Variants in GRIA3 observed in about 807,000 individuals in gnomAD.
GRIA3 encodes the protein glutamate ionotropic receptor AMPA type subunit 3, also known as glutamate receptor 3.
GRIA3 carries 3 observed loss-of-function variants against 63.0 expected under a neutral mutation model. That is an observed-to-expected ratio of 0.05 (90% CI 0.02 to 0.12). GRIA3 has a LOEUF of 0.12. Among genes scored for constraint, GRIA3 ranks in the 10% least tolerant of loss-of-function variants. The probability of loss-of-function intolerance (pLI) is 1.00; values close to 1 mark genes in which losing one functional copy is unlikely to be tolerated. For missense variants in GRIA3, 347 were observed against 700.9 expected, an observed-to-expected ratio of 0.50 and a Z score of 5.70; for synonymous variants, 274 against 257.9, an observed-to-expected ratio of 1.06 and a Z score of -0.60.
At chrX:123,282,020 T>A (rs2044588896) in intron 3 of GRIA3, among the ~76,000 whole-genome samples, 1 of 111,552 alleles carries the variant, frequency 9.0e-6, no homozygotes, top group Non-Finnish European at 1.9e-5. Context: ...AGAAATCATC[T>A]GGAGGACTTG....
chrX:123,455,835 GA>G (rs140361842), intron 12 of GRIA3, among the ~76,000 whole-genome samples: 29,334 of 111,363 alleles, frequency 0.26, 2,841 homozygotes, highest in Non-Finnish European at 0.3. Flanking sequence ...AGATCTATCT[GA>G]AACCTTTCTA....
At position 123,434,201 on chromosome X, in the gene GRIA3, G is replaced by A. The variant is rs758360299; in HGVS notation, c.2076+6062G>A. Among the ~76,000 whole-genome samples the A allele has an allele frequency of 2.7e-5, 3 of 111,904 alleles. No individual in the cohort carries two copies. In the South Asian group the frequency reaches 1.1e-3, roughly 42 times the overall value. On this transcript the variant is annotated intron_variant, in intron 12 of 15. Transcript: ENST00000620443. The stretch of plus-strand genomic sequence containing the variant: ...AATCTTTAAGCTTTATTATAATTGA[G>A]CTATGTACACAACAGACCTCCCTGA...
intron 5 of GRIA3, among the ~76,000 whole-genome samples, chrX:123,383,325 T>C (rs139565768): frequency 5.2e-4 from 58 of 111,321 alleles, no homozygotes; most frequent in African/African-American, 1.9e-3. Context: ...AAATACACAA[T>C]ACATTGTTGT....
intron 1 of GRIA3, 123 bp from the exon 2 acceptor site, chrX:123,185,709 T>G (rs1474777388): frequency 1.7e-6 from 1 of 577,909 alleles, no homozygotes; most frequent in Non-Finnish European, 2.9e-6. Flanking sequence ...AGGTTGAATA[T>G]CAATCCTCAA....
intron 3 of GRIA3, among the ~76,000 whole-genome samples, chrX:123,310,382 G>A (rs1426157108): frequency 1.8e-5 from 2 of 112,840 alleles, no homozygotes; most frequent in African/African-American, 6.4e-5. Context: ...CCAAAGTCAT[G>A]ACTTTGATGA....
intron 2 of GRIA3, among the ~76,000 whole-genome samples, chrX:123,216,697 T>G (rs1048137442): frequency 4.5e-5 from 5 of 111,936 alleles, no homozygotes; most frequent in African/African-American, 1.6e-4. Flanking sequence ...AATGTCATAA[T>G]TAAAGAAGGC....
At chrX:123,358,086 G>C (rs1048021181) in intron 5 of GRIA3, among the ~76,000 whole-genome samples, 9 of 111,504 alleles carry the variant, frequency 8.1e-5, no homozygotes, top group African/African-American at 1.3e-4. Context: ...GAGAGAGAGA[G>C]AGAGACAGAG....
At chrX:123,290,937 T>C (rs1168468399) in intron 3 of GRIA3, among the ~76,000 whole-genome samples, 4 of 111,508 alleles carry the variant, frequency 3.6e-5, no homozygotes, top group African/African-American at 1.3e-4. Flanking sequence ...CTGCCACAGC[T>C]ATCAAAATCC....
intron 2 of GRIA3, among the ~76,000 whole-genome samples, chrX:123,187,623 C>T (rs1927315018): frequency 8.9e-6 from 1 of 111,893 alleles, no homozygotes; most frequent in Admixed American, 9.4e-5. Context: ...CATTAAACTA[C>T]CAGGGTTTAT....
At chrX:123,429,439 C>T (rs1222279944) in intron 12 of GRIA3, among the ~76,000 whole-genome samples, 1 of 111,914 alleles carries the variant, frequency 8.9e-6, no homozygotes, top group Non-Finnish European at 1.9e-5. Flanking sequence ...AGATCATAAT[C>T]CCCAACTGGG....
chrX:123,375,933 T>C (rs190790533), intron 5 of GRIA3, among the ~76,000 whole-genome samples: 13 of 112,447 alleles, frequency 1.2e-4, no homozygotes, highest in African/African-American at 4.2e-4. Context: ...CACCTCTGAG[T>C]CTTCAAGTGG....
intron 13 of GRIA3, among the ~76,000 whole-genome samples, chrX:123,473,775 C>CTT (rs2045875047): frequency 8.9e-6 from 1 of 111,798 alleles, no homozygotes; most frequent in Admixed American, 9.5e-5. Flanking sequence ...GATAAGTTTC[C>CTT]ATTCTCGTCA....
chrX:123,212,910 G>T (rs1928074252), intron 2 of GRIA3, among the ~76,000 whole-genome samples: 2 of 111,654 alleles, frequency 1.8e-5, no homozygotes, highest in Admixed American at 1.9e-4. Context: ...TCCACAGCAG[G>T]GGTCCCCAAC....
At chrX:123,409,092 G>C (rs1261143018) in intron 10 of GRIA3, among the ~76,000 whole-genome samples, 1 of 111,930 alleles carries the variant, frequency 8.9e-6, no homozygotes, top group Non-Finnish European at 1.9e-5. Context: ...AAAAAAAGAA[G>C]AGCAGAAAAC....
chrX:123,236,317 T>C (rs1436271731), intron 2 of GRIA3, among the ~76,000 whole-genome samples: 3 of 110,812 alleles, frequency 2.7e-5, no homozygotes, highest in African/African-American at 9.9e-5. Context: ...AGTCATAGAG[T>C]CACTGGGTCT....
intron 1 of GRIA3, 24 bp downstream of exon 1, chrX:123,184,668 C>A: frequency 9.5e-7 from 1 of 1,052,076 alleles, no homozygotes; most frequent in African/African-American, 1.8e-5. Context: ...AGCCAGCCGT[C>A]GGTCCAGGCT....
In GRIA3 at chrX:123,253,840, G is replaced by A. The variant is rs745677594; in HGVS notation, c.508+298G>A. ...TCAAAAATTTTATCTGGTCTAAAAT[G>A]TATGAAGTAAAAGCAGCTTAGTCTA... On this transcript the variant is annotated intron_variant, in intron 3 of 15. Transcript: ENST00000620443. 1.1e-3 allele frequency: 303 copies of A among 268,626 alleles called. 4 individuals carry two copies. Among genetic ancestry groups the A allele is most frequent in the African/African-American group, 7.9e-3 (286 of 36,161 alleles). 22.1% of individuals were successfully genotyped at this position (268,626 alleles called of 1,213,427 possible). A position where few individuals can be genotyped will look rare whatever the true frequency, so the allele number is the denominator to read the frequency against.
At chrX:123,459,368 G>A (rs1388612021) in intron 12 of GRIA3, among the ~76,000 whole-genome samples, 2 of 111,857 alleles carry the variant, frequency 1.8e-5, no homozygotes, top group African/African-American at 6.5e-5. Flanking sequence ...TAAGTGGTAG[G>A]CTTCTGTGTA....
At chrX:123,457,019 A>G (rs745760246) in intron 12 of GRIA3, among the ~76,000 whole-genome samples, 34 of 112,003 alleles carry the variant, frequency 3.0e-4, no homozygotes, top group Non-Finnish European at 6.0e-4. Context: ...ATACAATCTA[A>G]AGAAAAAATG....
Sources: gnomAD v4.1 joint callset for allele counts (sites outside exome capture counted in the v4.1 genomes callset) on GRCh38, gnomAD v4.1.1 for gene constraint, MANE v1.5 for transcripts, NCBI Gene and HGNC (gene_info 2026-07-23, HGNC 2026-07-21) for gene names.